ADAD2: variants seen among roughly 807,000 people sequenced by gnomAD.
ADAD2 encodes the protein adenosine deaminase domain containing 2, also known as adenosine deaminase domain-containing protein 2.
A neutral mutation model predicts 54.5 loss-of-function variants in ADAD2; 60 were observed. The ratio of observed to expected loss-of-function variants is 1.10; its 90% CI spans 0.89 to 1.36. The LOEUF (loss-of-function observed/expected upper bound fraction) is 1.36, where lower values mean the gene tolerates loss of function less well. Ranked by LOEUF, ADAD2 falls within the 40% of genes most tolerant of loss-of-function variation. ADAD2 has a pLI of 0.00. For missense variants in ADAD2, 1,103 were observed against 801.3 expected, an observed-to-expected ratio of 1.38 and a Z score of -4.54; for synonymous variants, 543 against 366.2, an observed-to-expected ratio of 1.48 and a Z score of -5.51.
Position 84,196,868 on chromosome 16 carries a change from A to G in ADAD2, c.1648-2A>G. 3 of 1,593,366 alleles carry G rather than the reference A, an allele frequency of 1.9e-6. No homozygotes were observed. The highest frequency in any genetic ancestry group is 2.6e-6 in the Non-Finnish European group (3 of 1,169,572). ...CACCCCACCTCTCATCTCCCGCCCT[A>G]GGCTGGGCCCTACCAGGAGGCTCGC... On this transcript the variant is annotated splice_acceptor_variant, in intron 9 of 9. Transcript: ENST00000315906. LOFTEE classifies it high-confidence loss of function.
chr16:84,194,702 AC>A, intron 2 of ADAD2, 120 bp downstream of exon 2: 1 of 1,485,814 alleles, frequency 6.7e-7, no homozygotes, highest in Non-Finnish European at 9.1e-7. Flanking sequence ...TGCTGTACAA[AC>A]CATCTGAGCA....
At position 84,196,218 on chromosome 16, in the gene ADAD2, C is replaced by G. The variant is rs1008740408; in HGVS notation, c.1374C>G (p.Pro458=). 2.5e-6 allele frequency: 4 copies of G among 1,610,954 alleles called. No homozygotes were observed. The highest frequency in any genetic ancestry group is 1.1e-5 in the South Asian group (1 of 91,084). ...TCCTGGGGCCATGCCTGCCACCTCC[C>G]TACGTCCGGACCGCCCTGCACCTGT... ...DSVLGPCLPP[P]YVRTALHLFA... The change falls in exon 8 of 10, where the codon CCC becomes CCG. Residue 458 remains proline (P), a synonymous_variant. Transcript: ENST00000315906.
chr16:84,194,817 G>C (rs1367438861), intron 2 of ADAD2, 116 bp from the exon 3 acceptor site: 1 of 1,309,614 alleles, frequency 7.6e-7, no homozygotes, highest in African/African-American at 1.5e-5. Flanking sequence ...AGAGCAGCTC[G>C]TGTAATGTCC....
At chr16:84,194,378 A>G (rs556315238) in intron 1 of ADAD2, 64 bp from the exon 2 acceptor site, 9 of 1,570,618 alleles carry the variant, frequency 5.7e-6, no homozygotes, top group Non-Finnish European at 7.7e-6. Flanking sequence ...AGGAGGAGGC[A>G]GAGGTGGTAC....
chr16:84,195,840 C>G lies in ADAD2; in HGVS notation c.1078C>G (p.Leu360Val). 1.2e-6 allele frequency: 2 copies of G among 1,607,410 alleles called. No individual in the cohort carries two copies. Among genetic ancestry groups the G allele is most frequent in the Non-Finnish European group, 1.7e-6 (2 of 1,178,818 alleles). ...IYLPPTSEGG[L>V]PHSPPMRLQA... The stretch of plus-strand genomic sequence containing the variant: ...CCTGCCCCCCACCTCGGAAGGTGGC[C>G]TCCCGCACAGCCCACCCATGCGCCT... The change falls in exon 7 of 10, where the codon CTC (leucine) becomes GTC (valine). Residue 360 changes from leucine (L) to valine (V), a missense_variant. Coordinates refer to ENST00000315906, the MANE Select transcript of ADAD2 (RefSeq NM_001145400.2).
chr16:84,195,393 C>A lies in ADAD2; in HGVS notation c.831C>A (p.Gly277=). The change falls in exon 5 of 10, where the codon GGC becomes GGA. Residue 277 remains glycine (G), a synonymous_variant. Coordinates refer to ENST00000315906, the MANE Select transcript of ADAD2 (RefSeq NM_001145400.2). ...GTGCTGGCTGGCTGGAGTTCTCGGG[C>A]CAGCAGCTCCACGACTGCCATGGCC... is the stretch of plus-strand genomic sequence containing the variant. ...SCCAGWLEFS[G]QQLHDCHGLV... is the part of the protein sequence containing the mutation. 1 of 1,608,778 alleles carries A rather than the reference C, an allele frequency of 6.2e-7. No homozygotes were observed. Among genetic ancestry groups the A allele is most frequent in the Non-Finnish European group, 8.5e-7 (1 of 1,179,366 alleles).
chr16:84,196,905 TCTC>T lies in ADAD2; in HGVS notation c.1689_1691del (p.Leu564del), dbSNP rs761472504. 8 of 1,598,732 alleles carry T rather than the reference TCTC, an allele frequency of 5.0e-6. No homozygotes were observed. The Admixed American group carries it at 5.2e-5, about 10-fold the overall frequency. On this transcript the variant is annotated inframe_deletion, in exon 10 of 10. Transcript: ENST00000315906. ...ACCAGGAGGCTCGCAGGCAGCTGTC[TCTC>T]CTCCTGGACCAGCAGGGCCTGGGGG... is the stretch of plus-strand genomic sequence containing the variant.
At chr16:84,192,179 C>G (rs1358610769) in intron 1 of ADAD2, among the ~76,000 whole-genome samples, 1 of 152,164 alleles carries the variant, frequency 6.6e-6, no homozygotes, top group African/African-American at 2.4e-5. Context: ...GGGTCTTACT[C>G]TGTTGCCCAG....
At chr16:84,194,376 G>C in intron 1 of ADAD2, 66 bp from the exon 2 acceptor site, 1 of 1,568,232 alleles carries the variant, frequency 6.4e-7, no homozygotes, top group East Asian at 2.3e-5. Flanking sequence ...TCAGGAGGAG[G>C]CAGAGGTGGT....
chr16:84,191,442 C>A lies in ADAD2; in HGVS notation c.212C>A (p.Ala71Glu). ...VSVLRDSGPGAGAGVGELGAA... is the reference protein window; with the variant it reads ...VSVLRDSGPGEGAGVGELGAA... ...GTGTTGAGGGACAGTGGGCCTGGGG[C>A]AGGGGCCGGAGTCGGGGAACTGGGG... Residue 71 changes from alanine to glutamate, a missense_variant, in exon 1 of 10, where the codon GCA becomes GAA. Transcript: ENST00000315906. 6.6e-7 allele frequency: 1 copy of A among 1,515,554 alleles called. No individual in the cohort carries two copies. 93.9% of individuals were successfully genotyped at this position (1,515,554 alleles called of 1,614,324 possible). A position where few individuals can be genotyped will look rare whatever the true frequency, so the allele number is the denominator to read the frequency against.
rs2089650326 is a variant in ADAD2 at position 84,191,390 on chromosome 16, G to A, written c.160G>A (p.Ala54Thr). 1 of 1,504,256 alleles carries A rather than the reference G, an allele frequency of 6.6e-7. No individual in the cohort carries two copies. Among genetic ancestry groups the A allele is most frequent in the Non-Finnish European group, 8.8e-7 (1 of 1,131,218 alleles). 93.2% of individuals were successfully genotyped at this position (1,504,256 alleles called of 1,614,324 possible). A position where few individuals can be genotyped will look rare whatever the true frequency, so the allele number is the denominator to read the frequency against. Residue 54 changes from alanine (A) to threonine (T), a missense_variant, in exon 1 of 10, where the codon GCG (alanine) becomes ACG (threonine). By Grantham distance (58) the Ala-to-Thr change is moderately conservative. Coordinates refer to ENST00000315906, the MANE Select transcript of ADAD2 (RefSeq NM_001145400.2). ...GPAPAPATYRAEGGWPQVSVL... is the reference protein window; with the variant it reads ...GPAPAPATYRTEGGWPQVSVL... ...CGCGCCCGCGCCCGCGACGTATCGC[G>A]CGGAGGGCGGGTGGCCCCAGGTCTC...
Position 84,197,002 on chromosome 16 carries a change from G to A in ADAD2, c.*28G>A, listed in dbSNP as rs773125900. 6.2e-5 allele frequency: 97 copies of A among 1,562,244 alleles called. No individual in the cohort carries two copies. The Middle Eastern group carries it at 7.8e-4, about 12-fold the overall frequency. On this transcript the variant is annotated 3_prime_UTR_variant, in exon 10 of 10. Coordinates refer to ENST00000315906, the MANE Select transcript of ADAD2 (RefSeq NM_001145400.2). Reference sequence around the variant, plus strand: ...CCAGCCTCGGCGGGACCGAGGTCCCGGAGCCAAGCTGTACCCCTGCTGGGG... The same window carrying A: ...CCAGCCTCGGCGGGACCGAGGTCCCAGAGCCAAGCTGTACCCCTGCTGGGG...
At chr16:84,191,694 G>A in intron 1 of ADAD2, 46 bp downstream of exon 1, 2 of 1,544,732 alleles carry the variant, frequency 1.3e-6, no homozygotes, top group Non-Finnish European at 1.7e-6. Flanking sequence ...CAGAGCCACG[G>A]AGGGCTGGGT....
rs756660684 is a variant in ADAD2, at chr16:84,191,416, G to C, written c.186G>C (p.Ser62=). The change falls in exon 1 of 10, where the codon TCG becomes TCC. Residue 62 remains serine, a synonymous_variant. Coordinates refer to ENST00000315906, the MANE Select transcript of ADAD2 (RefSeq NM_001145400.2). ...CGGAGGGCGGGTGGCCCCAGGTCTC[G>C]GTGTTGAGGGACAGTGGGCCTGGGG... ...YRAEGGWPQV[S]VLRDSGPGAG... The C allele has an allele frequency of 6.8e-5, 102 of 1,495,086 alleles. 1 individual carries two copies. In the South Asian group the frequency reaches 1.3e-3, roughly 19 times the overall value. 92.6% of individuals were successfully genotyped at this position (1,495,086 alleles called of 1,614,324 possible).
In ADAD2 at chr16:84,195,467, C is replaced by A. The variant is rs372593622; in HGVS notation, c.884+21C>A. The A allele has an allele frequency of 1.1e-5, 17 of 1,606,038 alleles. No homozygotes were observed. In the African/African-American group the frequency reaches 2.1e-4, roughly 20 times the overall value. On this transcript the variant is annotated intron_variant, in intron 5 of 9. Transcript: ENST00000315906. ...CTGAGGTGAGGGGCAGTGGGGTGGG[C>A]GCCTGATAGCAGCCTTCGCCAGGAC... is the stretch of plus-strand genomic sequence containing the variant.
In ADAD2 at chr16:84,191,381, A is replaced by C. The variant is rs566598088; in HGVS notation, c.151A>C (p.Thr51Pro). 13 of 1,517,594 alleles carry C rather than the reference A, an allele frequency of 8.6e-6. No homozygotes were observed. The highest frequency in any genetic ancestry group is 1.4e-5 in the African/African-American group (1 of 70,768). 94.0% of individuals were successfully genotyped at this position (1,517,594 alleles called of 1,614,324 possible). ...SAWGPAPAPA[T>P]YRAEGGWPQV... is the part of the protein sequence containing the mutation. ...CTGGGGGCCCGCGCCCGCGCCCGCG[A>C]CGTATCGCGCGGAGGGCGGGTGGCC... The change falls in exon 1 of 10, where the codon ACG (threonine) becomes CCG (proline). Residue 51 changes from threonine (T) to proline (P), a missense_variant. By Grantham distance (38) the Thr-to-Pro change is conservative. Transcript: ENST00000315906.
chr16:84,195,963 G>T lies in ADAD2; in HGVS notation c.1201G>T (p.Ala401Ser), dbSNP rs775538066. Reference sequence around the variant, plus strand: ...CTGCCTGTCAGCCAGTGACAAGCTGGCACGCTGGGCCGTGCTGGGGCTGGG... The same window carrying T: ...CTGCCTGTCAGCCAGTGACAAGCTGTCACGCTGGGCCGTGCTGGGGCTGGG... ...VGCLSASDKL[A>S]RWAVLGLGGA... The change falls in exon 7 of 10, where the codon GCA (alanine) becomes TCA (serine). Residue 401 changes from alanine (A) to serine (S), a missense_variant. Transcript: ENST00000315906. 6.3e-7 allele frequency: 1 copy of T among 1,599,162 alleles called. No homozygotes were observed. The highest frequency in any genetic ancestry group is 8.5e-7 in the Non-Finnish European group (1 of 1,179,610).
chr16:84,191,423 A>T lies in ADAD2; in HGVS notation c.193A>T (p.Arg65Trp). 6.7e-7 allele frequency: 1 copy of T among 1,503,090 alleles called. No homozygotes were observed. Among genetic ancestry groups the T allele is most frequent in the East Asian group, 2.5e-5 (1 of 40,608 alleles). The allele number at this position is 1,503,090 out of a possible 1,614,324, so 93.1% of individuals were successfully genotyped here. Reference protein sequence around the residue: ...EGGWPQVSVLRDSGPGAGAGV... With the variant: ...EGGWPQVSVLWDSGPGAGAGV... ...CGGGTGGCCCCAGGTCTCGGTGTTG[A>T]GGGACAGTGGGCCTGGGGCAGGGGC... The change falls in exon 1 of 10, where the codon AGG becomes TGG. Residue 65 changes from arginine to tryptophan, a missense_variant. Transcript: ENST00000315906.
chr16:84,194,461 G>A lies in ADAD2; in HGVS notation c.438G>A (p.Ser146=), dbSNP rs149275516. The change falls in exon 2 of 10, where the codon TCG becomes TCA. Residue 146 remains serine, a synonymous_variant. Transcript: ENST00000315906. ...DQPPGPCFPF[S]VSAELDGVVC... ...CCCCAGGTCCCTGCTTCCCCTTCTCGGTGAGCGCGGAACTGGATGGGGTGG... is the reference window on the plus strand; with the variant it reads ...CCCCAGGTCCCTGCTTCCCCTTCTCAGTGAGCGCGGAACTGGATGGGGTGG... 4.0e-5 allele frequency: 65 copies of A among 1,607,358 alleles called. 1 individual carries two copies. The East Asian group carries it at 6.7e-4, about 17-fold the overall frequency.
Sources: allele counts gnomAD v4.1 joint callset (sites outside exome capture counted in the v4.1 genomes callset), GRCh38; gene constraint gnomAD v4.1.1; transcripts MANE v1.5; gene names NCBI Gene and HGNC (gene_info 2026-07-23, HGNC 2026-07-21).